Variants in EPHA6 observed in about 807,000 individuals in gnomAD.
The protein encoded by EPHA6 is EPH receptor A6, also known as ephrin type-A receptor 6.
A neutral mutation model predicts 112.0 loss-of-function variants in EPHA6; 50 were observed. That is an observed-to-expected ratio of 0.45 (90% CI 0.36 to 0.56). EPHA6 has a LOEUF of 0.56. Among genes scored for constraint, EPHA6 ranks in the 20% least tolerant of loss-of-function variants. The pLI, the probability that EPHA6 is intolerant of heterozygous loss-of-function variation, is 0.00. For missense variants in EPHA6, 1,280 were observed against 1,417.4 expected, an observed-to-expected ratio of 0.90 and a Z score of 1.56; for synonymous variants, 529 against 490.7, an observed-to-expected ratio of 1.08 and a Z score of -1.03.
chr3:97,651,596 TTGA>T (rs2094107922), intron 14 of EPHA6, among the ~76,000 whole-genome samples: 1 of 152,088 alleles, frequency 6.6e-6, no homozygotes, highest in Non-Finnish European at 1.5e-5. Context: ...TCCGTACAGT[TTGA>T]TGATTAAGAA....
chr3:96,983,904 C>G (rs568304738), intron 2 of EPHA6, among the ~76,000 whole-genome samples: 11 of 152,334 alleles, frequency 7.2e-5, no homozygotes, highest in African/African-American at 2.6e-4. Context: ...TCCACTCCAT[C>G]AGGTCATTCA....
intron 3 of EPHA6, among the ~76,000 whole-genome samples, chr3:97,076,789 G>A (rs60480416): frequency 0.31 from 47,208 of 151,986 alleles, 13,289 homozygotes; most frequent in African/African-American, 0.74. Context: ...CTATTCCAAA[G>A]ATTCTAGGAC....
chr3:97,708,196 T>C (rs2033782613), intron 14 of EPHA6, among the ~76,000 whole-genome samples: 1 of 152,230 alleles, frequency 6.6e-6, no homozygotes, highest in African/African-American at 2.4e-5. Context: ...ACCAAAATGC[T>C]GATAGTGATA....
At chr3:97,323,725 C>T (rs1465457206) in intron 5 of EPHA6, among the ~76,000 whole-genome samples, 1 of 151,686 alleles carries the variant, frequency 6.6e-6, no homozygotes, top group Non-Finnish European at 1.5e-5. Context: ...TGACTTTAAG[C>T]AGAATAAAAC....
Position 97,481,940 on chromosome 3 carries a change from G to T in EPHA6, c.2075-1994G>T, listed in dbSNP as rs140738596. ...GAGGCATTTATTATCTGTTTTCCAA[G>T]AGGTAGGTTAGCATAAACCAAACCA... On this transcript the variant is annotated intron_variant, in intron 9 of 17. Transcript: ENST00000389672. Among the ~76,000 whole-genome samples, 16 of 152,282 alleles carry T rather than the reference G, an allele frequency of 1.1e-4. No individual in the cohort carries two copies. In the East Asian group the frequency reaches 3.1e-3, roughly 29 times the overall value.
intron 5 of EPHA6, among the ~76,000 whole-genome samples, chr3:97,277,773 T>C (rs955546991): frequency 1.3e-5 from 2 of 152,212 alleles, no homozygotes; most frequent in African/African-American, 4.8e-5. Context: ...ATGGAGCTTA[T>C]AGAACTGGAA....
intron 5 of EPHA6, among the ~76,000 whole-genome samples, chr3:97,403,407 T>C (rs1337107697): frequency 6.6e-6 from 1 of 152,170 alleles, no homozygotes; most frequent in African/African-American, 2.4e-5. Flanking sequence ...GTATTCTTCA[T>C]TTGATGATTC....
intron 5 of EPHA6, among the ~76,000 whole-genome samples, chr3:97,402,181 A>G (rs9815629): frequency 0.12 from 18,319 of 151,936 alleles, 3,537 homozygotes; most frequent in African/African-American, 0.4. Flanking sequence ...TTGGTCTACA[A>G]TGCTATTTAA....
rs535917119 is a variant in EPHA6 at position 97,758,736 on chromosome 3, G to C, written c.*10035G>C. Among the ~76,000 whole-genome samples the C allele has an allele frequency of 1.3e-5, 2 of 152,046 alleles. No homozygotes were observed. Among genetic ancestry groups the C allele is most frequent in the South Asian group, 4.1e-4 (2 of 4,822 alleles). ...TGCCATTTAAACTGATATCTGAAAA[G>C]CATGAAGGAAGCATCCATGAGAAGA... On this transcript the variant is annotated 3_prime_UTR_variant, in exon 18 of 18. Coordinates refer to ENST00000389672, the MANE Select transcript of EPHA6 (RefSeq NM_001080448.3).
At position 96,948,530 on chromosome 3, in the gene EPHA6, A is replaced by C. The variant is rs145943647; in HGVS notation, c.451-38800A>C. ...TTTGAATAAGCCAGCTTTATGGAAA[A>C]AAAATGCTAAGTATTTAAAATGTAA... is the stretch of plus-strand genomic sequence containing the variant. On this transcript the variant is annotated intron_variant, in intron 2 of 17. Coordinates refer to ENST00000389672, the MANE Select transcript of EPHA6 (RefSeq NM_001080448.3). 8.3e-4 allele frequency among the ~76,000 whole-genome samples: 127 copies of C among 152,300 alleles called. 1 individual carries two copies. Among genetic ancestry groups the C allele is most frequent in the African/African-American group, 3.0e-3 (123 of 41,570 alleles).
chr3:97,553,270 C>A (rs1028089868), intron 11 of EPHA6, among the ~76,000 whole-genome samples: 1 of 152,024 alleles, frequency 6.6e-6, no homozygotes, highest in Non-Finnish European at 1.5e-5. Flanking sequence ...ACAAGCCAAT[C>A]TCTCTGTTGC....
At chr3:97,352,989 A>G (rs2083890350) in intron 5 of EPHA6, among the ~76,000 whole-genome samples, 1 of 152,112 alleles carries the variant, frequency 6.6e-6, no homozygotes, top group African/African-American at 2.4e-5. Context: ...CACCAGGCAG[A>G]GTTCTAAGGC....
intron 3 of EPHA6, among the ~76,000 whole-genome samples, chr3:97,149,163 A>G (rs1186953740): frequency 6.6e-6 from 1 of 152,134 alleles, no homozygotes; most frequent in Non-Finnish European, 1.5e-5. Flanking sequence ...CCATGACTAA[A>G]AGAACTGTCA....
At chr3:97,138,382 A>G (rs1282913424) in intron 3 of EPHA6, among the ~76,000 whole-genome samples, 1 of 152,026 alleles carries the variant, frequency 6.6e-6, no homozygotes, top group Non-Finnish European at 1.5e-5. Context: ...GGGGTCCAAC[A>G]CTCTCATGCA....
chr3:97,066,866 C>A (rs140056470), intron 3 of EPHA6, among the ~76,000 whole-genome samples: 2 of 152,142 alleles, frequency 1.3e-5, no homozygotes, highest in East Asian at 3.9e-4. Flanking sequence ...GCAGACAGGA[C>A]ATATCCAGAG....
At position 97,055,341 on chromosome 3, in the gene EPHA6, G is replaced by C. The variant is rs368627180; in HGVS notation, c.1114+67348G>C. Reference sequence around the variant, plus strand: ...CCTAGGAGTGTTGCAAATGTATTATGATACAGTTGCAAAGAATAAAAGAAT... The same window carrying C: ...CCTAGGAGTGTTGCAAATGTATTATCATACAGTTGCAAAGAATAAAAGAAT... On this transcript the variant is annotated intron_variant, in intron 3 of 17. Coordinates refer to ENST00000389672, the MANE Select transcript of EPHA6 (RefSeq NM_001080448.3). 8.5e-5 allele frequency among the ~76,000 whole-genome samples: 13 copies of C among 152,206 alleles called. No individual in the cohort carries two copies. The East Asian group carries it at 2.3e-3, about 27-fold the overall frequency.
chr3:96,932,246 C>T (rs892420040), intron 2 of EPHA6, among the ~76,000 whole-genome samples: 4 of 152,144 alleles, frequency 2.6e-5, no homozygotes, highest in South Asian at 4.1e-4. Flanking sequence ...ATTCATTCAC[C>T]CCTTTCATTC....
chr3:96,978,457 T>G (rs145433857), intron 2 of EPHA6, among the ~76,000 whole-genome samples: 1 of 152,304 alleles, frequency 6.6e-6, no homozygotes, highest in African/African-American at 2.4e-5. Flanking sequence ...TACCTACTAA[T>G]GTTATATTTT....
intron 3 of EPHA6, among the ~76,000 whole-genome samples, chr3:97,209,226 A>G (rs1456701961): frequency 6.6e-6 from 1 of 152,168 alleles, no homozygotes; most frequent in Non-Finnish European, 1.5e-5. Flanking sequence ...ATGAGGATGC[A>G]TATGATAATT....
Sources: gnomAD v4.1 joint callset for allele counts (sites outside exome capture counted in the v4.1 genomes callset) on GRCh38, gnomAD v4.1.1 for gene constraint, MANE v1.5 for transcripts, NCBI Gene and HGNC (gene_info 2026-07-23, HGNC 2026-07-21) for gene names.